The following LSS variants were observed in gnomAD, a reference collection of about 807,000 sequenced individuals.
The protein encoded by LSS is lanosterol synthase.
In LSS, 90 loss-of-function variants were observed where a neutral mutation model predicts 110.3. That is an observed-to-expected ratio of 0.82 (90% CI 0.69 to 0.97). The LOEUF is 0.97. Ranked by LOEUF, LSS falls within the 50% of genes least tolerant of loss-of-function variation. LSS has a pLI of 0.00. For missense variants in LSS, 927 were observed against 990.0 expected, an observed-to-expected ratio of 0.94 and a Z score of 0.85; for synonymous variants, 433 against 400.0, an observed-to-expected ratio of 1.08 and a Z score of -0.98.
chr21:46,222,079 A>T, intron 4 of LSS, 104 bp from the exon 5 acceptor site: 1 of 1,382,136 alleles, frequency 7.2e-7, no homozygotes, highest in East Asian at 2.4e-5. Flanking sequence ...GAATGCTAAA[A>T]TGCCTTAACC....
rs763407686 is a variant in LSS, at chr21:46,188,598, G to A, written c.*2506C>T. 6.4e-6 allele frequency: 3 copies of A among 469,818 alleles called. No homozygotes were observed. The highest frequency in any genetic ancestry group is 2.4e-5 in the Admixed American group (1 of 42,544). 29.1% of individuals were successfully genotyped at this position (469,818 alleles called of 1,614,324 possible). A position where few individuals can be genotyped will look rare whatever the true frequency, so the allele number is the denominator to read the frequency against. On this transcript the variant is annotated 3_prime_UTR_variant, in exon 22 of 22. Coordinates refer to ENST00000397728, the MANE Select transcript of LSS (RefSeq NM_002340.6). The stretch of plus-strand genomic sequence containing the variant: ...TGGGACAGGTCACCCTCCCAGCACC[G>A]AGAAGCCGACGGGGGAGGAACAGAC...
chr21:46,213,057 G>A lies in LSS; in HGVS notation c.1110-5C>T, dbSNP rs1318103956. On this transcript the variant is annotated splice_polypyrimidine_tract_variant and splice_region_variant and intron_variant, in intron 10 of 21. Coordinates refer to ENST00000397728, the MANE Select transcript of LSS (RefSeq NM_002340.6). ...TTCATGCCGTCAAGGCCCATCCTGT[G>A]AGGAGAAAAAAGCCCAAGTCAGGTG... The A allele has an allele frequency of 5.6e-6, 9 of 1,613,512 alleles. No individual in the cohort carries two copies. Among genetic ancestry groups the A allele is most frequent in the Non-Finnish European group, 7.6e-6 (9 of 1,179,990 alleles).
chr21:46,215,200 T>G lies in LSS; in HGVS notation c.991A>C (p.Lys331Gln), dbSNP rs767298501. The change falls in exon 9 of 22, where the codon AAG becomes CAG. Residue 331 changes from lysine to glutamine, a missense_variant. Physicochemically the swap from Lys to Gln is moderately conservative, Grantham distance 53. Transcript: ENST00000397728. ...CTGACCGGGCCGATGCTGATGCTCT[T>G]GGTGAATCGGTCGTCGGCCACAATG... Reference protein sequence around the residue: ...EHIVADDRFTKSISIGPISKT... With the variant: ...EHIVADDRFTQSISIGPISKT... The G allele has an allele frequency of 6.2e-7, 1 of 1,610,620 alleles. No homozygotes were observed. The highest frequency in any genetic ancestry group is 1.1e-5 in the South Asian group (1 of 90,978).
At chr21:46,210,063 C>CTTTTTT (rs71318051) in intron 12 of LSS, among the ~76,000 whole-genome samples, 10 of 107,590 alleles carry the variant, frequency 9.3e-5, no homozygotes, top group Non-Finnish European at 1.6e-4. Flanking sequence ...AGTTCCAGTT[C>CTTTTTT]TTTTTTTTTT....
chr21:46,196,328 T>C (rs2079910140), intron 17 of LSS, 61 bp from the exon 18 acceptor site: 7 of 1,325,636 alleles, frequency 5.3e-6, no homozygotes, highest in Non-Finnish European at 7.6e-6. Flanking sequence ...CTATCCCAAT[T>C]CCATCCTTTC....
intron 20 of LSS, chr21:46,192,720 T>G (rs1197798175): frequency 4.4e-6 from 2 of 453,920 alleles, no homozygotes; most frequent in Non-Finnish European, 8.8e-6. Context: ...TGTCTGTGTG[T>G]GGCACAGATG....
rs2079773899 is a variant in LSS at position 46,189,503 on chromosome 21, G to C, written c.*1601C>G. On this transcript the variant is annotated 3_prime_UTR_variant, in exon 22 of 22. Transcript: ENST00000397728. Reference sequence around the variant, plus strand: ...GCCCTGCAGGGCTCTGAGCAGGCAGGCGAGTCCCAAGGAGAGTCAGTGACA... The same window carrying C: ...GCCCTGCAGGGCTCTGAGCAGGCAGCCGAGTCCCAAGGAGAGTCAGTGACA... 1 of 367,714 alleles carries C rather than the reference G, an allele frequency of 2.7e-6. No individual in the cohort carries two copies. The highest frequency in any genetic ancestry group is 2.0e-5 in the South Asian group (1 of 49,992). 22.8% of individuals were successfully genotyped at this position (367,714 alleles called of 1,614,324 possible).
intron 16 of LSS, 48 bp downstream of exon 16, chr21:46,206,624 G>A: frequency 3.3e-6 from 5 of 1,515,350 alleles, no homozygotes; most frequent in Non-Finnish European, 4.6e-6. Flanking sequence ...GTACCACAGT[G>A]CTAGCCAGCC....
intron 5 of LSS, among the ~76,000 whole-genome samples, chr21:46,220,872 GGAGA>G (rs755638509): frequency 1.3e-5 from 2 of 150,600 alleles, no homozygotes; most frequent in Non-Finnish European, 3.0e-5. Flanking sequence ...GCCAGGGCTT[GGAGA>G]GAAAGATAGT....
intron 17 of LSS, among the ~76,000 whole-genome samples, chr21:46,204,420 C>T (rs2080019915): frequency 6.6e-6 from 1 of 150,478 alleles, no homozygotes; most frequent in Non-Finnish European, 1.5e-5. Flanking sequence ...ATAAGATTCT[C>T]AGAAGGAAGA....
At chr21:46,207,291 T>A in intron 15 of LSS, 137 bp downstream of exon 15, 1 of 1,079,320 alleles carries the variant, frequency 9.3e-7, no homozygotes, top group Non-Finnish European at 1.3e-6. Flanking sequence ...TCTCCACATA[T>A]AGACACCATC....
At position 46,199,082 on chromosome 21, in the gene LSS, G is replaced by A. The variant is rs544780906; in HGVS notation, c.1671-2815C>T. ...GAAAACTGGCTCTGCAAAAGATACT[G>A]TTAATAGAATGAAAAGACAAGACAC... On this transcript the variant is annotated intron_variant, in intron 17 of 21. Coordinates refer to ENST00000397728, the MANE Select transcript of LSS (RefSeq NM_002340.6). Among the ~76,000 whole-genome samples, 6 of 152,212 alleles carry A rather than the reference G, an allele frequency of 3.9e-5. No homozygotes were observed. In the East Asian group the frequency reaches 1.2e-3, roughly 29 times the overall value.
At chr21:46,217,987 G>A (rs561203802) in intron 6 of LSS, among the ~76,000 whole-genome samples, 18 of 152,098 alleles carry the variant, frequency 1.2e-4, no homozygotes, top group South Asian at 4.2e-4. Flanking sequence ...GTGCCTCCCC[G>A]TCACCACCCA....
At chr21:46,213,525 C>T (rs1028944711) in intron 10 of LSS, among the ~76,000 whole-genome samples, 1 of 152,212 alleles carries the variant, frequency 6.6e-6, no homozygotes, top group African/African-American at 2.4e-5. Context: ...ACTCTACCTT[C>T]TGGGAACACC....
At chr21:46,210,063 C>CTTTTT (rs71318051) in intron 12 of LSS, among the ~76,000 whole-genome samples, 14 of 107,592 alleles carry the variant, frequency 1.3e-4, no homozygotes, top group Admixed American at 2.2e-4. Context: ...AGTTCCAGTT[C>CTTTTT]TTTTTTTTTT....
intron 2 of LSS, 56 bp from the exon 3 acceptor site, chr21:46,227,746 C>T: frequency 1.9e-6 from 3 of 1,595,188 alleles, no homozygotes. Flanking sequence ...GTTGCCCGGC[C>T]AGAGGAACCC....
At position 46,190,997 on chromosome 21, in the gene LSS, T is replaced by G; in HGVS notation, c.*107A>C. The G allele has an allele frequency of 7.4e-7, 1 of 1,345,468 alleles. No homozygotes were observed. Among genetic ancestry groups the G allele is most frequent in the Non-Finnish European group, 1.0e-6 (1 of 969,872 alleles). 83.3% of individuals were successfully genotyped at this position (1,345,468 alleles called of 1,614,324 possible). ...AGATTCACATCTATGAGATAGAGGTTGAGGGGTTGGAGCCCAAGACAGGGT... is the reference window on the plus strand; with the variant it reads ...AGATTCACATCTATGAGATAGAGGTGGAGGGGTTGGAGCCCAAGACAGGGT... On this transcript the variant is annotated 3_prime_UTR_variant, in exon 22 of 22. Coordinates refer to ENST00000397728, the MANE Select transcript of LSS (RefSeq NM_002340.6). The surrounding 1 kb of genome is among the most constrained non-coding windows in gnomAD (Gnocchi z 4.6).
intron 17 of LSS, among the ~76,000 whole-genome samples, chr21:46,205,288 CG>C (rs2080030606): frequency 1.3e-5 from 2 of 151,420 alleles, no homozygotes; most frequent in African/African-American, 2.4e-5. Context: ...TGACTAACCG[CG>C]AGCAGGAGAG....
chr21:46,209,663 T>C lies in LSS; in HGVS notation c.1195-38A>G, dbSNP rs762169308. ...GCAGGACAGAGAGGCTCAGCTGCCC[T>C]TGCACGGCCAGCATGGCTGCGCTGG... On this transcript the variant is annotated intron_variant, in intron 12 of 21. Coordinates refer to ENST00000397728, the MANE Select transcript of LSS (RefSeq NM_002340.6). This position sits in a 1 kb window ranked among gnomAD's most constrained non-coding sequence, Gnocchi z 4.4. The C allele has an allele frequency of 8.9e-6, 14 of 1,570,886 alleles. No homozygotes were observed. Among genetic ancestry groups the C allele is most frequent in the Admixed American group, 3.5e-5 (2 of 56,826 alleles).
Sources: gnomAD v4.1 joint callset for allele counts (sites outside exome capture counted in the v4.1 genomes callset) on GRCh38, gnomAD v4.1.1 for gene constraint, Gnocchi (gnomAD v3.1) non-coding constraint, MANE v1.5 for transcripts, NCBI Gene and HGNC (gene_info 2026-07-23, HGNC 2026-07-21) for gene names.